SVIL: variants seen among roughly 807,000 people sequenced by gnomAD.
SVIL encodes the protein archvillin.
SVIL carries 101 observed loss-of-function variants against 240.4 expected under a neutral mutation model. The observed-to-expected ratio is 0.42, with a 90% CI of 0.36 to 0.50. The LOEUF (loss-of-function observed/expected upper bound fraction) is 0.50, where lower values mean the gene tolerates loss of function less well. Ranked by LOEUF, SVIL falls within the 20% of genes least tolerant of loss-of-function variation. The pLI is 0.01. For missense variants in SVIL, 2,512 were observed against 2,818.7 expected (o/e 0.89, Z 2.46); for synonymous variants, 999 against 1,100.0 (o/e 0.91, Z 1.82).
intron 31 of SVIL, 122 bp from the exon 32 acceptor site, chr10:29,470,605 G>C (rs1217898063): frequency 9.4e-7 from 1 of 1,069,182 alleles, no homozygotes. Flanking sequence ...CAGGGACTTA[G>C]GGGACTGGAG....
At chr10:29,685,685 T>TTTTTACATGCTTGTTGGCCACGTG (rs1317659866) in intron 2 of SVIL, among the ~76,000 whole-genome samples, 1 of 152,250 alleles carries the variant, frequency 6.6e-6, no homozygotes, top group Non-Finnish European at 1.5e-5. Flanking sequence ...GCTGAGCATT[T>TTTTTACATGCTTGTTGGCCACGTG]TTTTACATGC....
intron 32 of SVIL, among the ~76,000 whole-genome samples, chr10:29,469,805 C>T (rs573267902): frequency 1.3e-5 from 2 of 152,322 alleles, no homozygotes; most frequent in South Asian, 4.1e-4. Flanking sequence ...CCCTCTCCAT[C>T]GGGGGCTGCT....
intron 1 of SVIL, among the ~76,000 whole-genome samples, chr10:29,616,626 G>A (rs1206655776): frequency 1.3e-5 from 2 of 152,206 alleles, no homozygotes; most frequent in Non-Finnish European, 1.5e-5. Flanking sequence ...AGGCAACGGA[G>A]GATCTCTGCG....
intron 1 of SVIL, among the ~76,000 whole-genome samples, chr10:29,615,227 A>C (rs1221253972): frequency 6.6e-6 from 1 of 152,218 alleles, no homozygotes; most frequent in Non-Finnish European, 1.5e-5. Context: ...CGAAGGATTG[A>C]TCTTATCTCA....
At chr10:29,589,730 G>A (rs1350190102) in intron 1 of SVIL, among the ~76,000 whole-genome samples, 2 of 152,150 alleles carry the variant, frequency 1.3e-5, no homozygotes, top group East Asian at 1.9e-4. Flanking sequence ...GTTGCCGAGA[G>A]ACCTTGATCT....
At chr10:29,607,691 G>A (rs1248168388) in intron 1 of SVIL, among the ~76,000 whole-genome samples, 4 of 152,136 alleles carry the variant, frequency 2.6e-5, no homozygotes, top group African/African-American at 7.2e-5. Flanking sequence ...CAATGCCAAC[G>A]TCTTGCTCTC....
intron 1 of SVIL, among the ~76,000 whole-genome samples, chr10:29,701,585 A>AGG (rs1299479650): frequency 6.6e-6 from 1 of 152,228 alleles, no homozygotes; most frequent in Non-Finnish European, 1.5e-5. Context: ...AACTGAAAAT[A>AGG]GGGAAATAAA....
chr10:29,471,192 C>A lies in SVIL; in HGVS notation c.5581G>T (p.Gly1861Trp), dbSNP rs376279808. The A allele has an allele frequency of 3.7e-6, 6 of 1,613,920 alleles. No individual in the cohort carries two copies. The highest frequency in any genetic ancestry group is 2.2e-5 in the East Asian group (1 of 44,864). Residue 1861 changes from glycine to tryptophan, a missense_variant, in exon 31 of 38, where the codon GGG (glycine) becomes TGG (tryptophan). Coordinates refer to ENST00000355867, the MANE Select transcript of SVIL (RefSeq NM_021738.3). ...EPPCFLQCFQ[G>W]GMVVHSGRRE... The stretch of plus-strand genomic sequence containing the variant: ...CTCCCCGAGTGCACCACCATCCCCC[C>A]CTGGAAACACTGCAGGAAACAGGGG...
chr10:29,504,892 T>G (rs1306220950), intron 17 of SVIL, among the ~76,000 whole-genome samples: 1 of 152,258 alleles, frequency 6.6e-6, no homozygotes, highest in East Asian at 1.9e-4. Flanking sequence ...AGCCTGCACA[T>G]GGATGCTTCT....
intron 15 of SVIL, 21 bp from the exon 16 acceptor site, chr10:29,522,656 A>G: frequency 6.2e-7 from 1 of 1,609,620 alleles, no homozygotes; most frequent in Non-Finnish European, 8.5e-7. Context: ...AAAGAGCAAC[A>G]TCAGCACTGA....
rs536537223 is a variant in SVIL at position 29,493,308 on chromosome 10, C to G, written c.3925G>C (p.Ala1309Pro). 1.2e-6 allele frequency: 2 copies of G among 1,614,166 alleles called. No homozygotes were observed. Among genetic ancestry groups the G allele is most frequent in the African/African-American group, 2.7e-5 (2 of 75,028 alleles). The change falls in exon 21 of 38, where the codon GCC becomes CCC. Residue 1309 changes from alanine to proline, a missense_variant. Physicochemically the swap from Ala to Pro is conservative, Grantham distance 27. Coordinates refer to ENST00000355867, the MANE Select transcript of SVIL (RefSeq NM_021738.3). ...VMKPDDDETF[A>P]KFYRSVDYNM... ...TAATCCACGCTGCGGTAAAATTTGG[C>G]AAAGGTTTCATCATCATCTGGCTTC...
At position 29,463,521 on chromosome 10, in the gene SVIL, G is replaced by A. The variant is rs962091794; in HGVS notation, c.6248C>T (p.Ala2083Val). The A allele has an allele frequency of 8.1e-6, 13 of 1,613,900 alleles. No individual in the cohort carries two copies. The highest frequency in any genetic ancestry group is 1.3e-5 in the African/African-American group (1 of 74,922). ...GCAGTACTGGAGCACAGTCTCCATCGCACTCTTCCGGTCGGAGGCCCAGCG... is the reference window on the plus strand; with the variant it reads ...GCAGTACTGGAGCACAGTCTCCATCACACTCTTCCGGTCGGAGGCCCAGCG... ...RIRWASDRKS[A>V]METVLQYCKG... Residue 2083 changes from alanine to valine, a missense_variant, in exon 35 of 38, where the codon GCG becomes GTG. By Grantham distance (64) the Ala-to-Val change is moderately conservative. This residue lies in a region of SVIL where 797 missense variants were observed against 925.3 expected (regional missense o/e 0.86). Coordinates refer to ENST00000355867, the MANE Select transcript of SVIL (RefSeq NM_021738.3).
chr10:29,620,680 A>G (rs1957596943), intron 1 of SVIL, among the ~76,000 whole-genome samples: 1 of 152,144 alleles, frequency 6.6e-6, no homozygotes, highest in South Asian at 2.1e-4. Flanking sequence ...GTACAATGGC[A>G]CGATCTCAGC....
chr10:29,646,229 C>G (rs1303702787), intron 3 of SVIL, among the ~76,000 whole-genome samples: 2 of 152,228 alleles, frequency 1.3e-5, no homozygotes, highest in Non-Finnish European at 2.9e-5. Context: ...GCCCTGCAAT[C>G]TGTGATCGTA....
At chr10:29,718,240 C>T (rs10826679) in intron 1 of SVIL, among the ~76,000 whole-genome samples, 29,095 of 151,420 alleles carry the variant, frequency 0.19, 3,416 homozygotes, top group African/African-American at 0.34. Context: ...GCAGGAGAAT[C>T]GCTTGAACCC....
intron 2 of SVIL, among the ~76,000 whole-genome samples, chr10:29,663,122 A>T (rs918455419): frequency 2.0e-5 from 3 of 152,150 alleles, no homozygotes; most frequent in African/African-American, 7.2e-5. Context: ...CTTAAATAAT[A>T]GTAATAATAA....
chr10:29,591,733 G>A (rs1175414122), intron 1 of SVIL, among the ~76,000 whole-genome samples: 5 of 152,124 alleles, frequency 3.3e-5, no homozygotes, highest in South Asian at 4.2e-4. Context: ...GATATACCAG[G>A]GCAGCAGACA....
chr10:29,610,681 A>T lies in SVIL; in HGVS notation c.-201+23739T>A, dbSNP rs191022536. Among the ~76,000 whole-genome samples, 72 of 152,122 alleles carry T rather than the reference A, an allele frequency of 4.7e-4. No individual in the cohort carries two copies. In the South Asian group the frequency reaches 9.2e-3, roughly 19 times the overall value. ...AATGATCCTCCTGCCTCAACCTCCC[A>T]AAGTGTTGGGATTACAGGCGTGAGC... On this transcript the variant is annotated intron_variant, in intron 1 of 37. Coordinates refer to ENST00000355867, the MANE Select transcript of SVIL (RefSeq NM_021738.3).
intron 3 of SVIL, among the ~76,000 whole-genome samples, chr10:29,648,965 C>A (rs188438566): frequency 1.3e-5 from 2 of 151,880 alleles, no homozygotes; most frequent in Admixed American, 6.6e-5. Flanking sequence ...CACTAAGGCA[C>A]CCGTCTACAC....
Sources: allele counts gnomAD v4.1 joint callset (sites outside exome capture counted in the v4.1 genomes callset), GRCh38; gene constraint gnomAD v4.1.1; regional missense constraint gnomAD v4.1.1; transcripts MANE v1.5; gene names NCBI Gene and HGNC (gene_info 2026-07-23, HGNC 2026-07-21).